Variants in PRKG1 observed in about 807,000 individuals in gnomAD.
The protein encoded by PRKG1 is protein kinase cGMP-dependent 1.
In PRKG1, 35 loss-of-function variants were observed where a neutral mutation model predicts 88.1. That is an observed-to-expected ratio of 0.40 (90% CI 0.30 to 0.53). The LOEUF (loss-of-function observed/expected upper bound fraction) is 0.53, where lower values mean the gene tolerates loss of function less well. Ranked by LOEUF, PRKG1 falls within the 20% of genes least tolerant of loss-of-function variation. The pLI, the probability that PRKG1 is intolerant of heterozygous loss-of-function variation, is 0.59. For synonymous variants in PRKG1, 303 were observed against 292.5 expected (o/e 1.04, Z -0.37); for missense variants, 540 against 839.8 (o/e 0.64, Z 4.41).
intron 2 of PRKG1, among the ~76,000 whole-genome samples, chr10:51,218,525 AT>A (rs1838433901): frequency 2.7e-5 from 3 of 110,490 alleles, no homozygotes; most frequent in African/African-American, 1.1e-4. Flanking sequence ...ATATATATAT[AT>A]ATATAAAATG....
intron 7 of PRKG1, among the ~76,000 whole-genome samples, chr10:52,115,015 G>A (rs975264124): frequency 6.6e-5 from 10 of 152,154 alleles, no homozygotes; most frequent in African/African-American, 1.7e-4. Context: ...TGGGTGTATC[G>A]AATAGAATAA....
At chr10:51,718,587 A>G (rs568873570) in intron 3 of PRKG1, among the ~76,000 whole-genome samples, 177 of 152,364 alleles carry the variant, frequency 1.2e-3, no homozygotes, top group Non-Finnish European at 2.2e-3. Context: ...TAGAATAAAT[A>G]TTCATGAATC....
chr10:51,050,471 C>T (rs149241994), intron 1 of PRKG1, among the ~76,000 whole-genome samples: 21 of 152,172 alleles, frequency 1.4e-4, no homozygotes, highest in Non-Finnish European at 2.5e-4. Context: ...CAGGTTTATC[C>T]ATGTTGTTGC....
At chr10:51,816,160 C>T (rs1244782275) in intron 4 of PRKG1, among the ~76,000 whole-genome samples, 7 of 152,210 alleles carry the variant, frequency 4.6e-5, no homozygotes, top group East Asian at 3.9e-4. Flanking sequence ...TGAAAATTAG[C>T]GGTTTCCCAG....
chr10:51,795,913 G>A (rs1838998796), intron 3 of PRKG1, among the ~76,000 whole-genome samples: 1 of 152,002 alleles, frequency 6.6e-6, no homozygotes, highest in Non-Finnish European at 1.5e-5. Flanking sequence ...AATGTTCCCT[G>A]AAAAACATGG....
chr10:52,291,732 T>C (rs370042589), intron 17 of PRKG1, among the ~76,000 whole-genome samples: 8,354 of 121,316 alleles, frequency 0.069, 725 homozygotes, highest in African/African-American at 0.32. Context: ...TGTGTCTTTA[T>C]AGCAGCATGA....
At chr10:51,614,530 A>C (rs1042811588) in intron 3 of PRKG1, among the ~76,000 whole-genome samples, 1 of 151,932 alleles carries the variant, frequency 6.6e-6, no homozygotes, top group African/African-American at 2.4e-5. Flanking sequence ...ATTTATATTC[A>C]AGGTTATTAT....
intron 4 of PRKG1, among the ~76,000 whole-genome samples, chr10:51,865,418 C>A (rs935348687): frequency 2.6e-5 from 4 of 151,770 alleles, no homozygotes; most frequent in South Asian, 4.2e-4. Context: ...TCTTTCTATG[C>A]GTACTATTCT....
At chr10:51,996,463 G>T (rs1220360766) in intron 5 of PRKG1, among the ~76,000 whole-genome samples, 2 of 151,778 alleles carry the variant, frequency 1.3e-5, no homozygotes, top group East Asian at 3.9e-4. Context: ...TAAAGAATGG[G>T]CAAAAGGCCT....
chr10:52,209,462 A>T (rs532195577), intron 9 of PRKG1, among the ~76,000 whole-genome samples: 19 of 152,290 alleles, frequency 1.2e-4, no homozygotes, highest in African/African-American at 4.3e-4. Context: ...TCTATTACCA[A>T]TTCTTTCAAA....
intron 4 of PRKG1, among the ~76,000 whole-genome samples, chr10:51,823,483 A>G (rs2879615): frequency 0.16 from 24,326 of 151,752 alleles, 2,938 homozygotes; most frequent in African/African-American, 0.34. Flanking sequence ...GGGGCTTCCA[A>G]GTTTTCTCAG....
At chr10:52,207,018 G>A (rs533288206) in intron 9 of PRKG1, among the ~76,000 whole-genome samples, 3 of 152,346 alleles carry the variant, frequency 2.0e-5, no homozygotes, top group Admixed American at 6.5e-5. Context: ...ATGGTGGGAT[G>A]CCTTCATGCC....
chr10:51,207,745 T>G (rs897418445), intron 2 of PRKG1, among the ~76,000 whole-genome samples: 1 of 152,190 alleles, frequency 6.6e-6, no homozygotes, highest in Non-Finnish European at 1.5e-5. Context: ...TTATAACGTT[T>G]TTCTACTTTC....
intron 5 of PRKG1, among the ~76,000 whole-genome samples, chr10:52,034,334 G>A (rs906873844): frequency 1.6e-5 from 2 of 123,428 alleles, no homozygotes; most frequent in African/African-American, 6.0e-5. Context: ...CTTCAAGCGG[G>A]ATTAGGGGTG....
At chr10:51,715,764 T>C (rs981092162) in intron 3 of PRKG1, among the ~76,000 whole-genome samples, 11 of 152,202 alleles carry the variant, frequency 7.2e-5, no homozygotes, top group Non-Finnish European at 1.5e-4. Context: ...GGCCCTGATA[T>C]GGAAAGTCAG....
intron 3 of PRKG1, among the ~76,000 whole-genome samples, chr10:51,687,235 G>C (rs960266975): frequency 4.6e-5 from 7 of 152,174 alleles, no homozygotes; most frequent in Admixed American, 2.0e-4. Flanking sequence ...CAAAGACAAG[G>C]TTAAAAGCAC....
chr10:51,016,134 C>T (rs1843055673), intron 1 of PRKG1, among the ~76,000 whole-genome samples: 1 of 152,184 alleles, frequency 6.6e-6, no homozygotes, highest in East Asian at 1.9e-4. Flanking sequence ...ATTTAGCAAT[C>T]ACTTAATAAA....
At chr10:52,138,458 T>C (rs1287664201) in intron 8 of PRKG1, among the ~76,000 whole-genome samples, 1 of 152,138 alleles carries the variant, frequency 6.6e-6, no homozygotes, top group Non-Finnish European at 1.5e-5. Flanking sequence ...TTTCTGTTTG[T>C]CATGGGAGTA....
At chr10:51,281,184 G>A (rs1468753293) in intron 2 of PRKG1, among the ~76,000 whole-genome samples, 1 of 152,160 alleles carries the variant, frequency 6.6e-6, no homozygotes, top group Non-Finnish European at 1.5e-5. Context: ...GCGGATATTG[G>A]TGAACAGCAA....
Sources: gnomAD v4.1 joint callset for allele counts (sites outside exome capture counted in the v4.1 genomes callset) on GRCh38, gnomAD v4.1.1 for gene constraint, MANE v1.5 for transcripts, NCBI Gene and HGNC (gene_info 2026-07-23, HGNC 2026-07-21) for gene names.